TUSC3: variants seen among roughly 807,000 people sequenced by gnomAD.
TUSC3 encodes tumor suppressor candidate 3.
A neutral mutation model predicts 44.8 loss-of-function variants in TUSC3; 45 were observed. That is an observed-to-expected ratio of 1.00 (90% confidence interval 0.79 to 1.29). The LOEUF (loss-of-function observed/expected upper bound fraction) is 1.29, where lower values mean the gene tolerates loss of function less well. Ranked by LOEUF, TUSC3 falls within the 50% of genes most tolerant of loss-of-function variation. TUSC3 has a pLI of 0.00. For synonymous variants in TUSC3, 212 were observed against 152.9 expected (o/e 1.39, Z -2.85); for missense variants, 519 against 437.9 (o/e 1.19, Z -1.65).
intron 6 of TUSC3, among the ~76,000 whole-genome samples, chr8:15,698,436 A>G (rs1234357815): frequency 6.6e-6 from 1 of 152,172 alleles, no homozygotes; most frequent in Non-Finnish European, 1.5e-5. Context: ...CAGTTTATAT[A>G]CTTACTAAAT....
At chr8:15,659,228 A>G (rs1486427495) in intron 3 of TUSC3, among the ~76,000 whole-genome samples, 3 of 152,194 alleles carry the variant, frequency 2.0e-5, no homozygotes, top group Non-Finnish European at 4.4e-5. Context: ...AATTCAAGAA[A>G]GAAAAAGAAC....
At chr8:15,492,430 G>A (rs1236608244) in intron 2 of TUSC3, among the ~76,000 whole-genome samples, 3 of 152,116 alleles carry the variant, frequency 2.0e-5, no homozygotes, top group Admixed American at 6.6e-5. Flanking sequence ...TAGAAGGCAA[G>A]ATTAAAGTCA....
chr8:15,772,105 A>G, the TUSC3 span, among the ~76,000 whole-genome samples: 1 of 152,122 alleles, frequency 6.6e-6, no homozygotes, highest in Non-Finnish European at 1.5e-5. Context: ...AAAAAAAAGA[A>G]AAAGAAAGAT....
chr8:15,623,396 C>T (rs2129164672), intron 2 of TUSC3, 147 bp downstream of exon 2: 5 of 890,746 alleles, frequency 5.6e-6, no homozygotes, highest in Non-Finnish European at 7.8e-6. Flanking sequence ...GCTGAAAAAT[C>T]AGTGTATTTT....
intron 2 of TUSC3, among the ~76,000 whole-genome samples, chr8:15,511,725 C>A (rs758876676): frequency 1.3e-5 from 2 of 152,008 alleles, no homozygotes. Context: ...AAAGAATTAG[C>A]CGGGCGTGGT....
At chr8:15,654,672 CTG>C (rs1807076233) in intron 3 of TUSC3, among the ~76,000 whole-genome samples, 1 of 152,172 alleles carries the variant, frequency 6.6e-6, no homozygotes, top group African/African-American at 2.4e-5. Context: ...TGGCACATGT[CTG>C]TAATCCCAGC....
At chr8:15,455,222 C>A (rs1987460) in intron 1 of TUSC3, among the ~76,000 whole-genome samples, 7 of 152,090 alleles carry the variant, frequency 4.6e-5, no homozygotes, top group South Asian at 2.1e-4. Context: ...CCTCCTATTC[C>A]TCCTCCCCCA....
chr8:15,442,345 G>A (rs1800031889), intron 1 of TUSC3, among the ~76,000 whole-genome samples: 1 of 151,776 alleles, frequency 6.6e-6, no homozygotes. Context: ...TAAAGGTAAA[G>A]GTTTTATTTA....
At position 15,490,336 on chromosome 8, in the gene TUSC3, A is replaced by G. The variant is rs533478510; in HGVS notation, n.189+6853A>G. On this transcript the variant is annotated intron_variant and non_coding_transcript_variant, in intron 2 of 5. Coordinates refer to the TUSC3 transcript ENST00000503191. ...GATTGTCTTTTGGGAGCTGAGTCTAAAGAATTCATGACTTCTATCAGAGTT... is the reference window on the plus strand; with the variant it reads ...GATTGTCTTTTGGGAGCTGAGTCTAGAGAATTCATGACTTCTATCAGAGTT... 3.6e-3 allele frequency among the ~76,000 whole-genome samples: 554 copies of G among 152,258 alleles called. 2 individuals carry two copies. Among genetic ancestry groups the G allele is most frequent in the Non-Finnish European group, 6.7e-3 (458 of 68,018 alleles).
chr8:15,795,092 T>C, the TUSC3 span, among the ~76,000 whole-genome samples: 2 of 152,148 alleles, frequency 1.3e-5, no homozygotes, highest in South Asian at 4.1e-4. Flanking sequence ...TAGTATTTAA[T>C]TGAGGCTATT....
At chr8:15,569,105 T>G (rs1267811799) in intron 1 of TUSC3, among the ~76,000 whole-genome samples, 2 of 152,156 alleles carry the variant, frequency 1.3e-5, no homozygotes, top group South Asian at 2.1e-4. Flanking sequence ...CAGTAACAGT[T>G]TCCTTTATTA....
chr8:15,849,281 A>G, the TUSC3 span, among the ~76,000 whole-genome samples: 1 of 152,192 alleles, frequency 6.6e-6, no homozygotes, highest in African/African-American at 2.4e-5. Flanking sequence ...AGAGGTAGTG[A>G]TATTATATTT....
At chr8:15,621,186 CTTA>C (rs1805229012) in intron 1 of TUSC3, among the ~76,000 whole-genome samples, 1 of 151,614 alleles carries the variant, frequency 6.6e-6, no homozygotes. Flanking sequence ...TAGTTTTTAT[CTTA>C]TTATTTTAAA....
At chr8:15,531,002 G>A (rs1408300084) in intron 2 of TUSC3, among the ~76,000 whole-genome samples, 1 of 152,122 alleles carries the variant, frequency 6.6e-6, no homozygotes, top group Admixed American at 6.5e-5. Flanking sequence ...CACTGGAAAA[G>A]GGAAGAAAGC....
chr8:15,750,688 C>T (rs1811660147), intron 9 of TUSC3, among the ~76,000 whole-genome samples: 1 of 152,000 alleles, frequency 6.6e-6, no homozygotes, highest in African/African-American at 2.4e-5. Context: ...AAATAGTAAG[C>T]ACATCTGAAC....
intron 5 of TUSC3, among the ~76,000 whole-genome samples, chr8:15,666,244 T>C (rs1177246020): frequency 6.6e-6 from 1 of 151,408 alleles, no homozygotes; most frequent in Non-Finnish European, 1.5e-5. Flanking sequence ...TAACATTCAT[T>C]TCAAATACAG....
chr8:15,432,236 T>C (rs898280045), intron 1 of TUSC3, among the ~76,000 whole-genome samples: 3 of 152,108 alleles, frequency 2.0e-5, no homozygotes, highest in African/African-American at 7.2e-5. Flanking sequence ...CCATCTGGTT[T>C]TAGGCTTTTT....
the TUSC3 span, among the ~76,000 whole-genome samples, chr8:15,775,475 C>G: frequency 1.3e-5 from 2 of 151,902 alleles, no homozygotes; most frequent in East Asian, 3.9e-4. Flanking sequence ...TTTATCACCA[C>G]CACAATACAA....
intron 1 of TUSC3, among the ~76,000 whole-genome samples, chr8:15,618,958 G>A (rs527758516): frequency 3.4e-4 from 52 of 152,266 alleles, no homozygotes; most frequent in Admixed American, 5.9e-4. Context: ...ACATCACTGC[G>A]ACACATGACT....
Sources: gnomAD v4.1 joint callset for allele counts (sites outside exome capture counted in the v4.1 genomes callset) on GRCh38, gnomAD v4.1.1 for gene constraint, MANE v1.5 for transcripts, NCBI Gene and HGNC (gene_info 2026-07-23, HGNC 2026-07-21) for gene names.